The following MXI1 variants were observed in gnomAD, a reference collection of about 807,000 sequenced individuals.
The protein encoded by MXI1 is max-interacting protein 1.
Under a neutral mutation model 36.9 loss-of-function variants are expected in MXI1, and 18 were observed. That is an observed-to-expected ratio of 0.49 (90% CI 0.34 to 0.72). The LOEUF is 0.72. Among genes scored for constraint, MXI1 ranks in the 30% least tolerant of loss-of-function variants. The probability of loss-of-function intolerance (pLI) is 0.01; values close to 1 mark genes in which losing one functional copy is unlikely to be tolerated. For missense variants in MXI1, 304 were observed against 379.1 expected, an observed-to-expected ratio of 0.80 and a Z score of 1.64; for synonymous variants, 160 against 146.7, an observed-to-expected ratio of 1.09 and a Z score of -0.65.
intron 3 of MXI1, among the ~76,000 whole-genome samples, chr10:110,271,596 G>A (rs551380605): frequency 6.6e-6 from 1 of 152,316 alleles, no homozygotes; most frequent in African/African-American, 2.4e-5. Flanking sequence ...TGCATTCCAG[G>A]TAGAGATATT....
At chr10:110,208,947 C>A (rs1181646541) in intron 1 of MXI1, among the ~76,000 whole-genome samples, 1 of 152,178 alleles carries the variant, frequency 6.6e-6, no homozygotes, top group East Asian at 1.9e-4. Flanking sequence ...CTTGAGTGAG[C>A]GCACAGGGCA....
rs1483879316 is a variant in MXI1 at position 110,285,963 on chromosome 10, C to A, written c.*976C>A. 1 of 152,458 alleles carries A rather than the reference C, an allele frequency of 6.6e-6. No individual in the cohort carries two copies. The highest frequency in any genetic ancestry group is 1.5e-5 in the Non-Finnish European group (1 of 68,006). 9.4% of individuals were successfully genotyped at this position (152,458 alleles called of 1,614,324 possible). On this transcript the variant is annotated 3_prime_UTR_variant, in exon 6 of 6. Transcript: ENST00000332674. Reference sequence around the variant, plus strand: ...CTTATCCATAAAAAAAAATAGATGTCTTTTATAGTGGAAAAACACATGGGG... The same window carrying A: ...CTTATCCATAAAAAAAAATAGATGTATTTTATAGTGGAAAAACACATGGGG...
At chr10:110,214,578 G>A (rs886386947) in intron 1 of MXI1, among the ~76,000 whole-genome samples, 2 of 151,882 alleles carry the variant, frequency 1.3e-5, no homozygotes, top group African/African-American at 4.8e-5. Context: ...ACAAAGATTT[G>A]CATCAGTCAT....
intron 3 of MXI1, among the ~76,000 whole-genome samples, chr10:110,264,767 T>C (rs553820045): frequency 1.7e-3 from 252 of 152,350 alleles, no homozygotes; most frequent in African/African-American, 5.7e-3. Context: ...CTTTATCATA[T>C]TATTTTTCTA....
chr10:110,233,217 T>A (rs534849145), intron 2 of MXI1, among the ~76,000 whole-genome samples: 4 of 152,332 alleles, frequency 2.6e-5, no homozygotes, highest in African/African-American at 9.6e-5. Flanking sequence ...CTGTTGTTTA[T>A]AAGGCTTTAG....
intron 2 of MXI1, among the ~76,000 whole-genome samples, chr10:110,240,796 A>C (rs908767402): frequency 3.3e-5 from 5 of 152,064 alleles, no homozygotes; most frequent in African/African-American, 9.7e-5. Flanking sequence ...TGTGGAGGGC[A>C]ACATCTGTGA....
At chr10:110,244,928 A>G in intron 3 of MXI1, 71 bp downstream of exon 3, 1 of 1,443,042 alleles carries the variant, frequency 6.9e-7, no homozygotes, top group Non-Finnish European at 9.6e-7. Context: ...TGTGAAAATA[A>G]TGTAATAGTG....
chr10:110,242,149 T>G (rs1167636464), intron 2 of MXI1, among the ~76,000 whole-genome samples: 5 of 151,996 alleles, frequency 3.3e-5, no homozygotes, highest in Non-Finnish European at 7.4e-5. Context: ...TAGTAGCAAA[T>G]GTACCTATTA....
chr10:110,224,709 G>A (rs1160062353), intron 1 of MXI1, among the ~76,000 whole-genome samples: 9 of 150,462 alleles, frequency 6.0e-5, no homozygotes, highest in Non-Finnish European at 3.0e-5. Context: ...GTGCAGTGGC[G>A]TGATCTCGGC....
Position 110,207,798 on chromosome 10 carries a change from C to T in MXI1, c.-11C>T. On this transcript the variant is annotated 5_prime_UTR_variant, in exon 1 of 6. Transcript: ENST00000332674. ...CGTTAGAGGACGAGCTCGGCGGACC[C>T]CCGCTCCTCCATGGGCAAACGCGGG... is the stretch of plus-strand genomic sequence containing the variant. 1 of 1,127,964 alleles carries T rather than the reference C, an allele frequency of 8.9e-7. No homozygotes were observed. The highest frequency in any genetic ancestry group is 1.1e-6 in the Non-Finnish European group (1 of 919,870). The allele number at this position is 1,127,964 out of a possible 1,614,324, so 69.9% of individuals were successfully genotyped here.
intron 3 of MXI1, among the ~76,000 whole-genome samples, chr10:110,251,092 A>G (rs1030577295): frequency 2.0e-5 from 3 of 148,834 alleles, no homozygotes; most frequent in Non-Finnish European, 3.0e-5. Flanking sequence ...ACTTTCACCT[A>G]CCTCTGAGGG....
chr10:110,214,713 C>G (rs970257340), intron 1 of MXI1, among the ~76,000 whole-genome samples: 13 of 150,612 alleles, frequency 8.6e-5, no homozygotes, highest in African/African-American at 3.2e-4. Context: ...AGGAGAAGCA[C>G]ATGCTTGCCC....
At chr10:110,215,873 G>GA (rs201683532) in intron 1 of MXI1, among the ~76,000 whole-genome samples, 144 of 151,746 alleles carry the variant, frequency 9.5e-4, no homozygotes, top group Admixed American at 1.8e-3. Flanking sequence ...TGGGGAGAGA[G>GA]AAAAAAAAGA....
At chr10:110,208,135 C>T (rs1048066838) in intron 1 of MXI1, 53 bp downstream of exon 1, 2 of 1,547,502 alleles carry the variant, frequency 1.3e-6, no homozygotes, top group Non-Finnish European at 1.7e-6. Flanking sequence ...TCTTTCTCGC[C>T]CACTTGGGCG....
In MXI1 at chr10:110,262,820, C is replaced by T. The variant is rs1326665236; in HGVS notation, c.438-16360C>T. Among the ~76,000 whole-genome samples, 5 of 151,984 alleles carry T rather than the reference C, an allele frequency of 3.3e-5. No homozygotes were observed. The South Asian group carries it at 1.0e-3, about 32-fold the overall frequency. ...AAACTAGGTTTTCTGATTCGCAGAC[C>T]AGAGTTTTTTACACTACCTTCAAGA... On this transcript the variant is annotated intron_variant, in intron 3 of 5. Coordinates refer to ENST00000332674, the MANE Select transcript of MXI1 (RefSeq NM_130439.3).
At chr10:110,229,432 G>A (rs1409219264) in intron 2 of MXI1, among the ~76,000 whole-genome samples, 1 of 152,142 alleles carries the variant, frequency 6.6e-6, no homozygotes, top group Non-Finnish European at 1.5e-5. Flanking sequence ...TGGGGCTCTT[G>A]ATTCAGAAAG....
intron 2 of MXI1, among the ~76,000 whole-genome samples, chr10:110,230,099 T>C (rs1564710008): frequency 6.6e-6 from 1 of 152,250 alleles, no homozygotes; most frequent in Non-Finnish European, 1.5e-5. Flanking sequence ...GGTTACTATA[T>C]TAGTAATTTA....
intron 3 of MXI1, among the ~76,000 whole-genome samples, chr10:110,273,097 G>T (rs1049682350): frequency 7.4e-6 from 1 of 134,404 alleles, no homozygotes; most frequent in Non-Finnish European, 1.5e-5. Context: ...ACCCTGGCTC[G>T]AGTGCAGTGA....
At chr10:110,241,543 A>G (rs1312417590) in intron 2 of MXI1, among the ~76,000 whole-genome samples, 2 of 151,940 alleles carry the variant, frequency 1.3e-5, no homozygotes, top group Non-Finnish European at 2.9e-5. Context: ...CTGTGTACGT[A>G]TAATTAGGCA....
Sources: allele counts gnomAD v4.1 joint callset (sites outside exome capture counted in the v4.1 genomes callset), GRCh38; gene constraint gnomAD v4.1.1; transcripts MANE v1.5; gene names NCBI Gene and HGNC (gene_info 2026-07-23, HGNC 2026-07-21).